The following TSHZ2 variants were observed in gnomAD, a reference collection of about 807,000 sequenced individuals.
The protein encoded by TSHZ2 is teashirt homolog 2.
Under a neutral mutation model 74.4 loss-of-function variants are expected in TSHZ2, and 21 were observed. The observed-to-expected ratio is 0.28, with a 90% confidence interval of 0.20 to 0.41. The LOEUF (loss-of-function observed/expected upper bound fraction) is 0.41, where lower values mean the gene tolerates loss of function less well. Ranked by LOEUF, TSHZ2 falls within the 10% of genes least tolerant of loss-of-function variation. The pLI, the probability that TSHZ2 is intolerant of heterozygous loss-of-function variation, is 1.00. For missense variants in TSHZ2, 1,244 were observed against 1,293.5 expected (o/e 0.96, Z 0.59); for synonymous variants, 540 against 515.3 (o/e 1.05, Z -0.65).
intron 1 of TSHZ2, among the ~76,000 whole-genome samples, chr20:53,096,839 G>T (rs1003273773): frequency 2.0e-5 from 3 of 151,410 alleles, no homozygotes; most frequent in Non-Finnish European, 4.4e-5. Flanking sequence ...GTGAGATCCT[G>T]CCACTGCACT....
intron 1 of TSHZ2, among the ~76,000 whole-genome samples, chr20:53,173,082 A>G (rs926082779): frequency 3.9e-5 from 6 of 152,252 alleles, no homozygotes; most frequent in African/African-American, 1.4e-4. Flanking sequence ...CAGTGCTCCC[A>G]GCACAAGGAA....
chr20:53,316,912 AT>A (rs924017830), intron 2 of TSHZ2, among the ~76,000 whole-genome samples: 13 of 151,396 alleles, frequency 8.6e-5, no homozygotes, highest in African/African-American at 2.9e-4. Context: ...GGTTTCTTTT[AT>A]TTTTTTTTAA....
intron 1 of TSHZ2, among the ~76,000 whole-genome samples, chr20:53,148,725 G>C (rs917814975): frequency 1.3e-5 from 2 of 152,154 alleles, no homozygotes; most frequent in African/African-American, 4.8e-5. Context: ...TTCTGAGATT[G>C]CCATCAACAT....
intron 1 of TSHZ2, among the ~76,000 whole-genome samples, chr20:53,006,448 G>A (rs1231624630): frequency 2.6e-5 from 4 of 152,198 alleles, no homozygotes; most frequent in Non-Finnish European, 5.9e-5. Flanking sequence ...GCCTTGCATG[G>A]AAGCACATGA....
chr20:53,229,427 A>G (rs565401079), intron 1 of TSHZ2, among the ~76,000 whole-genome samples: 52 of 152,302 alleles, frequency 3.4e-4, no homozygotes, highest in African/African-American at 1.1e-3. Context: ...GCCCTCTGTC[A>G]TAACTGTTTC....
At chr20:53,402,680 G>A (rs749999646) in intron 2 of TSHZ2, among the ~76,000 whole-genome samples, 11 of 152,162 alleles carry the variant, frequency 7.2e-5, no homozygotes, top group Admixed American at 1.3e-4. Context: ...AGTGACATTC[G>A]ATGCCTGACC....
At chr20:53,340,914 TC>T (rs1487190603) in intron 2 of TSHZ2, among the ~76,000 whole-genome samples, 1 of 152,174 alleles carries the variant, frequency 6.6e-6, no homozygotes, top group Non-Finnish European at 1.5e-5. Flanking sequence ...AGACATCAAC[TC>T]CTCAATCTGA....
chr20:53,154,231 A>C (rs529253337), intron 1 of TSHZ2, among the ~76,000 whole-genome samples: 6 of 152,332 alleles, frequency 3.9e-5, no homozygotes, highest in African/African-American at 1.2e-4. Flanking sequence ...AATGGGGAGT[A>C]AGTAGCAACT....
At chr20:53,401,510 T>C (rs1167432965) in intron 2 of TSHZ2, among the ~76,000 whole-genome samples, 1 of 152,038 alleles carries the variant, frequency 6.6e-6, no homozygotes, top group Non-Finnish European at 1.5e-5. Flanking sequence ...CAGTGTACAC[T>C]ATACACAATG....
intron 1 of TSHZ2, among the ~76,000 whole-genome samples, chr20:52,986,416 A>AG: frequency 1.4e-5 from 2 of 143,694 alleles, no homozygotes; most frequent in South Asian, 4.4e-4. Context: ...AAAAAAAAAA[A>AG]AAGAAAGAAA....
chr20:53,426,792 C>G (rs1206854180), intron 2 of TSHZ2, among the ~76,000 whole-genome samples: 1 of 152,188 alleles, frequency 6.6e-6, no homozygotes, highest in Non-Finnish European at 1.5e-5. Flanking sequence ...AGGGGAAGCT[C>G]ATACATCCCT....
At chr20:53,403,737 A>G (rs1568902608) in intron 2 of TSHZ2, among the ~76,000 whole-genome samples, 1 of 152,226 alleles carries the variant, frequency 6.6e-6, no homozygotes, top group Non-Finnish European at 1.5e-5. Flanking sequence ...AAGCATATCA[A>G]TAGTGGATTT....
intron 2 of TSHZ2, among the ~76,000 whole-genome samples, chr20:53,302,395 G>T (rs185791203): frequency 3.2e-4 from 48 of 152,218 alleles, no homozygotes; most frequent in African/African-American, 1.2e-3. Context: ...GGATTTCATC[G>T]AACCTTGTTA....
rs1163670617 is a variant in TSHZ2 at position 53,025,056 on chromosome 20, A to C, written c.40+51723A>C. ...TATATGCATATGCTACTGTACTAGC[A>C]AAAAATGTGCTTCATTAAAATGTGT... On this transcript the variant is annotated intron_variant, in intron 1 of 2. Transcript: ENST00000371497. Among the ~76,000 whole-genome samples, 5 of 152,102 alleles carry C rather than the reference A, an allele frequency of 3.3e-5. No homozygotes were observed. The East Asian group carries it at 9.6e-4, about 29-fold the overall frequency.
intron 1 of TSHZ2, chr20:53,178,263 C>T (rs1167855767): frequency 6.6e-6 from 1 of 152,278 alleles, no homozygotes; most frequent in African/African-American, 2.4e-5. Context: ...AGTGCTCAGA[C>T]ACTCATCTGC....
rs1988846093 is a variant in TSHZ2 at position 53,195,692 on chromosome 20, GT to G, written c.41-57806del. On this transcript the variant is annotated intron_variant, in intron 1 of 2. Transcript: ENST00000371497. Reference sequence around the variant, plus strand: ...CACTTTCCAGCATACAAAGTGGCTAGTCTTAGGATTTTATCTTTCTTGGAAA... The same window carrying G: ...CACTTTCCAGCATACAAAGTGGCTAGCTTAGGATTTTATCTTTCTTGGAAA... 2.0e-5 allele frequency among the ~76,000 whole-genome samples: 3 copies of G among 152,334 alleles called. No homozygotes were observed. The South Asian group carries it at 6.2e-4, about 32-fold the overall frequency.
chr20:53,435,939 G>A (rs1366356531), intron 2 of TSHZ2, among the ~76,000 whole-genome samples: 1 of 152,188 alleles, frequency 6.6e-6, no homozygotes, highest in African/African-American at 2.4e-5. Context: ...TCTAAGATGG[G>A]CATGATAATA....
At chr20:52,999,908 A>T (rs1038642597) in intron 1 of TSHZ2, among the ~76,000 whole-genome samples, 4 of 152,228 alleles carry the variant, frequency 2.6e-5, no homozygotes, top group Admixed American at 2.6e-4. Context: ...CCACATACTC[A>T]GTGGTTAACC....
intron 2 of TSHZ2, among the ~76,000 whole-genome samples, chr20:53,325,235 G>A (rs1466775902): frequency 6.6e-6 from 1 of 152,196 alleles, no homozygotes; most frequent in Non-Finnish European, 1.5e-5. Flanking sequence ...TTTTCTTGGA[G>A]CACTGCTCTG....
Sources: allele counts gnomAD v4.1 joint callset (sites outside exome capture counted in the v4.1 genomes callset), GRCh38; gene constraint gnomAD v4.1.1; transcripts MANE v1.5; gene names NCBI Gene and HGNC (gene_info 2026-07-23, HGNC 2026-07-21).